The following HOOK3 variants were observed in gnomAD, a reference collection of about 807,000 sequenced individuals.
HOOK3 encodes the protein protein Hook homolog 3.
A neutral mutation model predicts 116.3 loss-of-function variants in HOOK3; 24 were observed. That is an observed-to-expected ratio of 0.21 (90% CI 0.15 to 0.29). The LOEUF (loss-of-function observed/expected upper bound fraction) is 0.29. Among genes scored for constraint, HOOK3 ranks in the 10% least tolerant of loss-of-function variants. The probability of loss-of-function intolerance (pLI) is 1.00; values close to 1 mark genes in which losing one functional copy is unlikely to be tolerated. For missense variants in HOOK3, 632 were observed against 830.2 expected (o/e 0.76, Z 2.93); for synonymous variants, 275 against 283.0 (o/e 0.97, Z 0.28).
chr8:42,939,855 G>A (rs1298103212), intron 4 of HOOK3, among the ~76,000 whole-genome samples: 3 of 149,718 alleles, frequency 2.0e-5, no homozygotes, highest in Admixed American at 1.3e-4. Flanking sequence ...GGGCGGCAGG[G>A]CAGAGGCGCT....
At chr8:42,927,818 G>A (rs1807797876) in intron 3 of HOOK3, among the ~76,000 whole-genome samples, 1 of 152,000 alleles carries the variant, frequency 6.6e-6, no homozygotes, top group Admixed American at 6.6e-5. Flanking sequence ...TGCTCAGTCC[G>A]GTCTCGAACT....
intron 4 of HOOK3, among the ~76,000 whole-genome samples, chr8:42,941,517 CA>C (rs960451235): frequency 5.3e-3 from 233 of 44,066 alleles, no homozygotes; most frequent in South Asian, 8.7e-3. Context: ...GACTCCGTCT[CA>C]AAAAAAAAAA....
chr8:43,015,072 G>A (rs1452206981), intron 21 of HOOK3, among the ~76,000 whole-genome samples: 1 of 151,976 alleles, frequency 6.6e-6, no homozygotes, highest in African/African-American at 2.4e-5. Context: ...GCTTAAACCC[G>A]GGAGGCGGAA....
intron 15 of HOOK3, among the ~76,000 whole-genome samples, chr8:42,996,112 G>A (rs1346794334): frequency 2.0e-5 from 3 of 152,070 alleles, no homozygotes; most frequent in East Asian, 1.9e-4. Context: ...TGGGCCAGGC[G>A]CGGTGGCTCA....
chr8:42,903,504 C>G (rs1208897431), intron 1 of HOOK3, among the ~76,000 whole-genome samples: 2 of 150,092 alleles, frequency 1.3e-5, no homozygotes, highest in African/African-American at 4.9e-5. Context: ...GCCACAGCGC[C>G]CGACTAATTT....
intron 2 of HOOK3, among the ~76,000 whole-genome samples, chr8:42,916,663 A>T (rs1278958111): frequency 4.6e-5 from 7 of 152,242 alleles, no homozygotes; most frequent in Middle Eastern, 3.2e-3. Flanking sequence ...TGCACCAGAC[A>T]GTATAATCCA....
intron 7 of HOOK3, among the ~76,000 whole-genome samples, chr8:42,957,611 CA>C (rs1808459680): frequency 6.6e-6 from 1 of 152,018 alleles, no homozygotes; most frequent in African/African-American, 2.4e-5. Flanking sequence ...TGGAAAATGA[CA>C]TGAATTTATT....
chr8:42,923,301 C>CCAT (rs1252931608), intron 2 of HOOK3, among the ~76,000 whole-genome samples: 3 of 152,158 alleles, frequency 2.0e-5, no homozygotes, highest in Non-Finnish European at 4.4e-5. Flanking sequence ...CTCACATGAC[C>CCAT]CATCAGTTTC....
chr8:43,025,699 A>G lies in HOOK3; in HGVS notation c.*7201A>G, dbSNP rs908541217. 1.9e-5 allele frequency: 4 copies of G among 214,526 alleles called. No homozygotes were observed. The highest frequency in any genetic ancestry group is 9.0e-5 in the African/African-American group (4 of 44,266). The allele number at this position is 214,526 out of a possible 1,614,324, so 13.3% of individuals were successfully genotyped here. A position where few individuals can be genotyped will look rare whatever the true frequency, so the allele number is the denominator to read the frequency against. On this transcript the variant is annotated 3_prime_UTR_variant, in exon 22 of 22. Coordinates refer to ENST00000307602, the MANE Select transcript of HOOK3 (RefSeq NM_032410.4). ...GTGATTTTAGGTCGCCAAGGATACT[A>G]TGATTTGATGAGATGAGAAGAAATC...
In HOOK3 at chr8:43,022,223, A is replaced by G. The variant is rs956685223; in HGVS notation, c.*3725A>G. 1 of 211,546 alleles carries G rather than the reference A, an allele frequency of 4.7e-6. No individual in the cohort carries two copies. Among genetic ancestry groups the G allele is most frequent in the African/African-American group, 2.3e-5 (1 of 44,022 alleles). The allele number at this position is 211,546 out of a possible 1,614,324, so 13.1% of individuals were successfully genotyped here. ...TTTATGACGTTTCTGTTTCTCTAGT[A>G]ATGATTAATGATTCCTCAGGAGATT... On this transcript the variant is annotated 3_prime_UTR_variant, in exon 22 of 22. Coordinates refer to ENST00000307602, the MANE Select transcript of HOOK3 (RefSeq NM_032410.4).
chr8:43,016,339 C>G (rs1351733151), intron 21 of HOOK3, among the ~76,000 whole-genome samples: 1 of 152,032 alleles, frequency 6.6e-6, no homozygotes, highest in Admixed American at 6.6e-5. Context: ...CCAGGATGGT[C>G]TCAATCTCCT....
At chr8:42,984,414 A>G (rs1454187128) in intron 14 of HOOK3, among the ~76,000 whole-genome samples, 2 of 152,046 alleles carry the variant, frequency 1.3e-5, no homozygotes, top group African/African-American at 2.4e-5. Flanking sequence ...GTGTTAAGGC[A>G]GCACCAAATC....
At chr8:42,998,159 G>C (rs7010516) in intron 16 of HOOK3, 5,110 of 159,922 alleles carry the variant, frequency 0.032, 295 homozygotes, top group African/African-American at 0.11. Context: ...ACTTGCACTA[G>C]AATAGTGTAA....
chr8:43,013,492 A>G lies in HOOK3; in HGVS notation c.2016+92A>G, dbSNP rs1809652543. On this transcript the variant is annotated intron_variant, in intron 21 of 21. Coordinates refer to ENST00000307602, the MANE Select transcript of HOOK3 (RefSeq NM_032410.4). ...TTTACTGTAGAAGTCACTCTACCAA[A>G]TGAATCTGAAAGTAACTGCTATCCT... is the stretch of plus-strand genomic sequence containing the variant. 10 of 1,065,102 alleles carry G rather than the reference A, an allele frequency of 9.4e-6. No homozygotes were observed. In the South Asian group the frequency reaches 2.2e-4, roughly 23 times the overall value. 66.0% of individuals were successfully genotyped at this position (1,065,102 alleles called of 1,614,324 possible).
chr8:43,025,729 G>A lies in HOOK3; in HGVS notation c.*7231G>A. ...TTGATGAGATGAGAAGAAATCTGCG[G>A]TGGCTGAAAATCGTGACCAACTTGG... On this transcript the variant is annotated 3_prime_UTR_variant, in exon 22 of 22. Coordinates refer to ENST00000307602, the MANE Select transcript of HOOK3 (RefSeq NM_032410.4). The A allele has an allele frequency of 4.6e-6, 1 of 216,026 alleles. No homozygotes were observed. Among genetic ancestry groups the A allele is most frequent in the Non-Finnish European group, 9.3e-6 (1 of 107,416 alleles). The allele number at this position is 216,026 out of a possible 1,614,324, so 13.4% of individuals were successfully genotyped here.
chr8:42,976,855 C>T (rs1377836193), intron 13 of HOOK3, among the ~76,000 whole-genome samples: 1 of 152,114 alleles, frequency 6.6e-6, no homozygotes, highest in African/African-American at 2.4e-5. Flanking sequence ...TGAGATCGCG[C>T]CACTGCACTC....
chr8:42,925,157 G>GTGTA (rs1294881138), intron 2 of HOOK3, among the ~76,000 whole-genome samples: 2 of 151,954 alleles, frequency 1.3e-5, no homozygotes, highest in African/African-American at 2.4e-5. Flanking sequence ...GAGTGCAGTG[G>GTGTA]TGTAATCTTG....
At chr8:42,962,724 A>G (rs1808556512) in intron 8 of HOOK3, among the ~76,000 whole-genome samples, 1 of 150,504 alleles carries the variant, frequency 6.6e-6, no homozygotes, top group South Asian at 2.1e-4. Flanking sequence ...TTTGAAAATT[A>G]GATTCTTTTT....
intron 15 of HOOK3, among the ~76,000 whole-genome samples, chr8:42,996,446 G>A (rs1406078127): frequency 3.3e-5 from 5 of 151,958 alleles, no homozygotes; most frequent in South Asian, 4.2e-4. Flanking sequence ...TGGAATCAGC[G>A]TTATTTAAGG....
Sources: allele counts gnomAD v4.1 joint callset (sites outside exome capture counted in the v4.1 genomes callset), GRCh38; gene constraint gnomAD v4.1.1; transcripts MANE v1.5; gene names NCBI Gene and HGNC (gene_info 2026-07-23, HGNC 2026-07-21).